Variants in CNTNAP5 observed in about 807,000 individuals in gnomAD.
CNTNAP5 encodes the protein contactin associated protein family member 5, also known as contactin-associated protein-like 5.
In CNTNAP5, 72 loss-of-function variants were observed where a neutral mutation model predicts 150.2. The observed-to-expected ratio is 0.48, with a 90% CI of 0.40 to 0.58. The LOEUF (loss-of-function observed/expected upper bound fraction) is 0.58. Ranked by LOEUF, CNTNAP5 falls within the 20% of genes least tolerant of loss-of-function variation. The pLI is 0.00. For synonymous variants in CNTNAP5, 672 were observed against 619.8 expected, an observed-to-expected ratio of 1.08 and a Z score of -1.25; for missense variants, 1,636 against 1,626.2, an observed-to-expected ratio of 1.01 and a Z score of -0.10.
At chr2:124,378,148 G>GTA (rs935484786) in intron 3 of CNTNAP5, among the ~76,000 whole-genome samples, 2 of 151,908 alleles carry the variant, frequency 1.3e-5, no homozygotes, top group African/African-American at 4.8e-5. Context: ...ACTGGTCCAG[G>GTA]TATATATATC....
intron 12 of CNTNAP5, among the ~76,000 whole-genome samples, chr2:124,626,047 A>G (rs1677715720): frequency 6.6e-6 from 1 of 152,172 alleles, no homozygotes; most frequent in South Asian, 2.1e-4. Flanking sequence ...TGTACCCAAC[A>G]CACCCAGTAC....
intron 17 of CNTNAP5, among the ~76,000 whole-genome samples, chr2:124,777,566 A>G (rs1437596405): frequency 1.3e-5 from 2 of 152,044 alleles, no homozygotes; most frequent in East Asian, 3.9e-4. Flanking sequence ...TATTTTTAAT[A>G]GAGATAGGGT....
intron 13 of CNTNAP5, among the ~76,000 whole-genome samples, chr2:124,725,725 A>G (rs529755850): frequency 1.3e-5 from 2 of 151,202 alleles, no homozygotes; most frequent in East Asian, 3.9e-4. Flanking sequence ...TACTTTCCCT[A>G]CTCCCCAGCC....
Position 124,902,747 on chromosome 2 carries a change from TA to T in CNTNAP5, c.3437-134del, listed in dbSNP as rs1173273611. On this transcript the variant is annotated intron_variant, in intron 21 of 23. Transcript: ENST00000682447. ...GGGAAAGGAGATAAAGAGAGATAGA[TA>T]GGGGAGGGTTTTCTTTACTCAAACA... 1.1e-5 allele frequency: 6 copies of T among 549,844 alleles called. No homozygotes were observed. The African/African-American group carries it at 1.1e-4, about 10-fold the overall frequency. The allele number at this position is 549,844 out of a possible 1,614,324, so 34.1% of individuals were successfully genotyped here.
At chr2:124,068,278 C>T (rs1682214434) in intron 1 of CNTNAP5, among the ~76,000 whole-genome samples, 1 of 152,088 alleles carries the variant, frequency 6.6e-6, no homozygotes, top group South Asian at 2.1e-4. Flanking sequence ...AATCTGTATA[C>T]CTCAGGGAGA....
At chr2:124,584,771 C>T (rs1470635552) in intron 11 of CNTNAP5, among the ~76,000 whole-genome samples, 1 of 152,156 alleles carries the variant, frequency 6.6e-6, no homozygotes, top group East Asian at 1.9e-4. Context: ...CTTCAAATAA[C>T]TTCCACTAGG....
intron 19 of CNTNAP5, among the ~76,000 whole-genome samples, chr2:124,811,287 A>G (rs750224290): frequency 6.6e-6 from 1 of 152,190 alleles, no homozygotes; most frequent in Non-Finnish European, 1.5e-5. Context: ...TAAGAAGAGT[A>G]ATGGAACTAA....
chr2:124,290,736 G>T (rs773549967), intron 3 of CNTNAP5, among the ~76,000 whole-genome samples: 2 of 152,006 alleles, frequency 1.3e-5, no homozygotes, highest in Non-Finnish European at 2.9e-5. Context: ...TGTCATGGTG[G>T]TCCTATGAGG....
intron 3 of CNTNAP5, among the ~76,000 whole-genome samples, chr2:124,318,452 G>C (rs1689020137): frequency 1.3e-5 from 2 of 152,046 alleles, no homozygotes; most frequent in African/African-American, 4.8e-5. Context: ...TCACATTTCA[G>C]GTACAGTGCA....
At chr2:124,632,077 A>T (rs1677872240) in intron 12 of CNTNAP5, among the ~76,000 whole-genome samples, 1 of 152,180 alleles carries the variant, frequency 6.6e-6, no homozygotes, top group East Asian at 1.9e-4. Flanking sequence ...GTTGCAGAGA[A>T]ATAGGAATGG....
At chr2:124,164,860 G>C (rs150302395) in intron 1 of CNTNAP5, among the ~76,000 whole-genome samples, 27 of 151,684 alleles carry the variant, frequency 1.8e-4, no homozygotes, top group Non-Finnish European at 5.9e-5. Context: ...AGCTGGGGAA[G>C]GAAAAATCAG....
chr2:124,413,112 CA>C (rs1691818654), intron 3 of CNTNAP5, among the ~76,000 whole-genome samples: 1 of 109,728 alleles, frequency 9.1e-6, no homozygotes, highest in Admixed American at 9.1e-5. Flanking sequence ...TTTATGCAGC[CA>C]AAAAACACAT....
intron 11 of CNTNAP5, among the ~76,000 whole-genome samples, chr2:124,608,459 T>C (rs1677302550): frequency 6.6e-6 from 1 of 152,156 alleles, no homozygotes; most frequent in Admixed American, 6.5e-5. Flanking sequence ...CAGACTTTTG[T>C]GGCTGCCAAT....
rs377134209 is a variant in CNTNAP5, at chr2:124,524,334, G to A, written c.1359G>A (p.Ser453=). The A allele has an allele frequency of 2.5e-5, 41 of 1,613,614 alleles. No individual in the cohort carries two copies. The highest frequency in any genetic ancestry group is 2.8e-5 in the Non-Finnish European group (33 of 1,179,786). ...ACTTGAATGATGGCCTGTGGCACTC[G>A]GTTAGCATCAACGCCAGGAGGAACC... ...GSNLNDGLWH[S]VSINARRNRI... is the part of the protein sequence containing the mutation. Residue 453 remains serine, a synonymous_variant, in exon 9 of 24, where the codon TCG becomes TCA. Coordinates refer to ENST00000682447, the MANE Select transcript of CNTNAP5 (RefSeq NM_001367498.1).
At chr2:124,713,239 C>T (rs200558528) in intron 13 of CNTNAP5, among the ~76,000 whole-genome samples, 2 of 57,412 alleles carry the variant, frequency 3.5e-5, no homozygotes, top group East Asian at 4.7e-4. Flanking sequence ...TTCTTTCTTT[C>T]TTTCTCTTTC....
At chr2:124,456,346 G>A (rs966351826) in intron 6 of CNTNAP5, among the ~76,000 whole-genome samples, 1 of 152,144 alleles carries the variant, frequency 6.6e-6, no homozygotes, top group African/African-American at 2.4e-5. Flanking sequence ...AAATACTTAG[G>A]AAGATACCTA....
intron 3 of CNTNAP5, among the ~76,000 whole-genome samples, chr2:124,396,032 T>C (rs1339749164): frequency 6.6e-6 from 1 of 152,232 alleles, no homozygotes; most frequent in Non-Finnish European, 1.5e-5. Context: ...GTAATGTGTC[T>C]GGCCAATGAC....
rs112729456 is a variant in CNTNAP5 at position 124,316,527 on chromosome 2, C to T, written c.381+74134C>T. On this transcript the variant is annotated intron_variant, in intron 3 of 23. Transcript: ENST00000682447. ...GTGTGCTAAGAATGGCTCTCACAGC[C>T]GGGCACGGTGGCTCACTCCTGTAAT... Among the ~76,000 whole-genome samples, 404 of 152,098 alleles carry T rather than the reference C, an allele frequency of 2.7e-3. 2 individuals are homozygous for T. The highest frequency in any genetic ancestry group is 9.3e-3 in the African/African-American group (384 of 41,496).
chr2:124,200,516 A>G (rs552177185), intron 1 of CNTNAP5, among the ~76,000 whole-genome samples: 1 of 152,018 alleles, frequency 6.6e-6, no homozygotes, highest in Non-Finnish European at 1.5e-5. Context: ...ATATGCTTTT[A>G]TTTTGAATTG....
Sources: allele counts gnomAD v4.1 joint callset (sites outside exome capture counted in the v4.1 genomes callset), GRCh38; gene constraint gnomAD v4.1.1; transcripts MANE v1.5; gene names NCBI Gene and HGNC (gene_info 2026-07-23, HGNC 2026-07-21).